EIF2S2: variants seen among roughly 807,000 people sequenced by gnomAD.
EIF2S2 encodes eukaryotic translation initiation factor 2 subunit beta.
Under a neutral mutation model 44.0 loss-of-function variants are expected in EIF2S2, and 4 were observed. The ratio of observed to expected loss-of-function variants is 0.09; its 90% CI spans 0.04 to 0.21. EIF2S2 has a LOEUF of 0.21. EIF2S2 is among the 10% of genes least tolerant of loss of function. EIF2S2 has a pLI of 1.00. For missense variants in EIF2S2, 154 were observed against 392.0 expected (o/e 0.39, Z 5.13); for synonymous variants, 108 against 128.3 (o/e 0.84, Z 1.07).
At chr20:34,102,676 T>C (rs1201422149) in intron 3 of EIF2S2, among the ~76,000 whole-genome samples, 6 of 152,326 alleles carry the variant, frequency 3.9e-5, no homozygotes, top group Admixed American at 3.3e-4. Flanking sequence ...ATTTGGTGTA[T>C]GTTTGCTGTT....
rs976803931 is a variant in EIF2S2 at position 34,089,061 on chromosome 20, A to G, written c.*669T>C. Reference sequence around the variant, plus strand: ...TGTTTCTAAGACCTCTTAGTGGCCAACGAGGAAGGAGGGTACCTAGCACCT... The same window carrying G: ...TGTTTCTAAGACCTCTTAGTGGCCAGCGAGGAAGGAGGGTACCTAGCACCT... On this transcript the variant is annotated 3_prime_UTR_variant, in exon 9 of 9. Coordinates refer to ENST00000374980, the MANE Select transcript of EIF2S2 (RefSeq NM_003908.5). The G allele has an allele frequency of 2.0e-5, 3 of 152,622 alleles. No homozygotes were observed. Among genetic ancestry groups the G allele is most frequent in the African/African-American group, 2.4e-5 (1 of 41,432 alleles). 9.5% of individuals were successfully genotyped at this position (152,622 alleles called of 1,614,324 possible).
At chr20:34,102,478 A>G (rs2034305351) in intron 3 of EIF2S2, among the ~76,000 whole-genome samples, 1 of 152,184 alleles carries the variant, frequency 6.6e-6, no homozygotes, top group South Asian at 2.1e-4. Flanking sequence ...CAATACTTCA[A>G]AAGCTTGACT....
In EIF2S2 at chr20:34,088,383, C is replaced by T. The variant is rs980962073; in HGVS notation, c.*1347G>A. ...ATTGGGAATCGTGTGGGTGTAGATA[C>T]AAAAAAAGGAAAATGGGGGCATAAA... On this transcript the variant is annotated 3_prime_UTR_variant, in exon 9 of 9. Coordinates refer to ENST00000374980, the MANE Select transcript of EIF2S2 (RefSeq NM_003908.5). 4 of 150,728 alleles carry T rather than the reference C, an allele frequency of 2.7e-5. No homozygotes were observed. The highest frequency in any genetic ancestry group is 7.5e-5 in the African/African-American group (3 of 40,068). The allele number at this position is 150,728 out of a possible 1,614,324, so 9.3% of individuals were successfully genotyped here. A position where few individuals can be genotyped will look rare whatever the true frequency, so the allele number is the denominator to read the frequency against.
At chr20:34,096,554 T>G (rs2034231156) in intron 6 of EIF2S2, 103 bp downstream of exon 6, 1 of 1,226,770 alleles carries the variant, frequency 8.2e-7, no homozygotes, top group Non-Finnish European at 1.1e-6. Context: ...ACCTGTGTGT[T>G]CTTTCCATCT....
chr20:34,110,781 T>C (rs757335040), intron 1 of EIF2S2, among the ~76,000 whole-genome samples: 57 of 152,174 alleles, frequency 3.7e-4, no homozygotes, highest in Non-Finnish European at 6.9e-4. Context: ...TATGAGAAGT[T>C]TGAAAAATGA....
intron 5 of EIF2S2, 128 bp downstream of exon 5, chr20:34,097,286 CTG>C (rs750210995): frequency 3.9e-6 from 3 of 762,608 alleles, no homozygotes; most frequent in Non-Finnish European, 6.3e-6. Context: ...TGTGCACTGG[CTG>C]TGTGACCTCT....
chr20:34,094,991 C>T (rs1568713151), intron 6 of EIF2S2, among the ~76,000 whole-genome samples: 2 of 152,188 alleles, frequency 1.3e-5, no homozygotes, highest in Non-Finnish European at 2.9e-5. Flanking sequence ...ATAAAAATAT[C>T]CATTCCTTTT....
intron 3 of EIF2S2, among the ~76,000 whole-genome samples, chr20:34,101,059 G>C (rs944333111): frequency 3.3e-5 from 5 of 152,202 alleles, no homozygotes; most frequent in Non-Finnish European, 7.3e-5. Context: ...AATCTTACCA[G>C]CAGAAAAGTT....
intron 1 of EIF2S2, chr20:34,108,302 C>CT (rs970225839): frequency 6.6e-6 from 1 of 152,138 alleles, no homozygotes; most frequent in Non-Finnish European, 1.5e-5. Context: ...ATCCAGGAAT[C>CT]ATAAACTGAA....
chr20:34,106,172 G>A (rs186415165), intron 1 of EIF2S2, among the ~76,000 whole-genome samples: 1 of 151,278 alleles, frequency 6.6e-6, no homozygotes, highest in African/African-American at 2.4e-5. Context: ...CTCCCACCTC[G>A]GCCACACAAA....
chr20:34,095,026 A>C (rs1386610306), intron 6 of EIF2S2, among the ~76,000 whole-genome samples: 1 of 152,192 alleles, frequency 6.6e-6, no homozygotes, highest in African/African-American at 2.4e-5. Context: ...ATCTTGCCTT[A>C]AGATTCTATT....
intron 5 of EIF2S2, 59 bp from the exon 6 acceptor site, chr20:34,096,864 C>G: frequency 1.3e-6 from 2 of 1,516,772 alleles, no homozygotes; most frequent in South Asian, 1.3e-5. Flanking sequence ...TATAAAGTTC[C>G]CCTTTGAGTC....
intron 2 of EIF2S2, among the ~76,000 whole-genome samples, chr20:34,104,951 G>A (rs2034331722): frequency 6.6e-6 from 1 of 152,292 alleles, no homozygotes; most frequent in African/African-American, 2.4e-5. Flanking sequence ...CAGCACAGGG[G>A]TAAGTAACTA....
In EIF2S2 at chr20:34,112,232, A is replaced by T; in HGVS notation, c.-122T>A. On this transcript the variant is annotated 5_prime_UTR_variant, in exon 1 of 9. Coordinates refer to ENST00000374980, the MANE Select transcript of EIF2S2 (RefSeq NM_003908.5). Reference sequence around the variant, plus strand: ...ACCGCACTAGGCTCTTGCATCAGCGAAAGGAAACGACACCCCGCCCTCTCC... The same window carrying T: ...ACCGCACTAGGCTCTTGCATCAGCGTAAGGAAACGACACCCCGCCCTCTCC... The T allele has an allele frequency of 1.8e-6, 2 of 1,134,332 alleles. No homozygotes were observed. Among genetic ancestry groups the T allele is most frequent in the Non-Finnish European group, 2.3e-6 (2 of 852,868 alleles). 70.3% of individuals were successfully genotyped at this position (1,134,332 alleles called of 1,614,324 possible).
rs141819233 is a variant in EIF2S2 at position 34,092,446 on chromosome 20, G to A, written c.740+1229C>T. 2.3e-4 allele frequency among the ~76,000 whole-genome samples: 35 copies of A among 152,298 alleles called. No homozygotes were observed. The East Asian group carries it at 4.2e-3, about 18-fold the overall frequency. ...AGCACTTTGGGAGACCAAGGCAGGC[G>A]GATCACAAGGTCAGGAAATCGAGAC... On this transcript the variant is annotated intron_variant, in intron 7 of 8. Transcript: ENST00000374980.
intron 1 of EIF2S2, among the ~76,000 whole-genome samples, chr20:34,109,302 T>A (rs2034384336): frequency 6.6e-6 from 1 of 152,178 alleles, no homozygotes; most frequent in African/African-American, 2.4e-5. Flanking sequence ...TGATGCTGCT[T>A]TTAACAAATA....
chr20:34,091,769 A>AT (rs1555812045), intron 7 of EIF2S2, among the ~76,000 whole-genome samples: 1,111 of 33,826 alleles, frequency 0.033, 109 homozygotes, highest in African/African-American at 0.038. Flanking sequence ...ATATATATTT[A>AT]TTTTTTTGGG....
chr20:34,096,799 T>C lies in EIF2S2; in HGVS notation c.541A>G (p.Asn181Asp). The C allele has an allele frequency of 6.2e-7, 1 of 1,604,782 alleles. No individual in the cohort carries two copies. The change falls in exon 6 of 9, where the codon AAT (asparagine) becomes GAT (aspartate). Residue 181 changes from asparagine to aspartate, a missense_variant. Physicochemically the swap from Asn to Asp is conservative, Grantham distance 23 (BLOSUM62 1). This residue lies in a region of EIF2S2 where 134 missense variants were observed against 225.0 expected (regional missense o/e 0.60). Coordinates refer to ENST00000374980, the MANE Select transcript of EIF2S2 (RefSeq NM_003908.5). ...ERDYTYEELLNRVFNIMREKN... is the reference protein window; with the variant it reads ...ERDYTYEELLDRVFNIMREKN... Reference sequence around the variant, plus strand: ...TCCCTCATGATGTTGAACACTCGATTCAGCAGCTATAAAAATAAAGTGGTA... The same window carrying C: ...TCCCTCATGATGTTGAACACTCGATCCAGCAGCTATAAAAATAAAGTGGTA...
chr20:34,099,817 AC>A (rs1601534866), intron 3 of EIF2S2, among the ~76,000 whole-genome samples: 1 of 152,280 alleles, frequency 6.6e-6, no homozygotes, highest in East Asian at 1.9e-4. Context: ...CAACTCACAA[AC>A]AGCCAAACAT....
Sources: gnomAD v4.1 joint callset for allele counts (sites outside exome capture counted in the v4.1 genomes callset) on GRCh38, gnomAD v4.1.1 for gene constraint, gnomAD v4.1.1 regional missense constraint, MANE v1.5 for transcripts, NCBI Gene and HGNC (gene_info 2026-07-23, HGNC 2026-07-21) for gene names.